LIFR: variants seen among roughly 807,000 people sequenced by gnomAD.
The protein encoded by LIFR is LIF receptor subunit alpha.
Under a neutral mutation model 122.2 loss-of-function variants are expected in LIFR, and 84 were observed. The observed-to-expected ratio is 0.69, with a 90% CI of 0.58 to 0.82. The LOEUF is 0.82. Among genes scored for constraint, LIFR ranks in the 40% least tolerant of loss-of-function variants. The pLI is 0.00. For synonymous variants in LIFR, 422 were observed against 434.7 expected (o/e 0.97, Z 0.36); for missense variants, 1,294 against 1,311.6 (o/e 0.99, Z 0.21).
chr5:38,568,544 G>GA (rs1652004600), intron 1 of LIFR, among the ~76,000 whole-genome samples: 1 of 152,160 alleles, frequency 6.6e-6, no homozygotes, highest in Non-Finnish European at 1.5e-5. Flanking sequence ...TTTGGAGCAT[G>GA]AATCCCTCTG....
At chr5:38,486,371 T>G (rs1744286061) in intron 16 of LIFR, among the ~76,000 whole-genome samples, 1 of 151,854 alleles carries the variant, frequency 6.6e-6, no homozygotes, top group African/African-American at 2.4e-5. Flanking sequence ...TTCCCATGAG[T>G]GAGAGTGAAA....
At chr5:38,550,223 A>C (rs1486854298) in intron 1 of LIFR, 20 of 963,944 alleles carry the variant, frequency 2.1e-5, no homozygotes, top group Non-Finnish European at 2.3e-5. Context: ...AGTTGATTAG[A>C]TTTGGTTTTA....
At chr5:38,557,499 A>G (rs1319047441), upstream of LIFR, 20 of 154,766 alleles carry the variant, frequency 1.3e-4, no homozygotes, top group Non-Finnish European at 2.9e-5. Flanking sequence ...AATTTTGCAA[A>G]GTTCAGAAAT....
At chr5:38,486,955 T>C (rs1011171785) in intron 16 of LIFR, among the ~76,000 whole-genome samples, 2 of 152,328 alleles carry the variant, frequency 1.3e-5, no homozygotes, top group East Asian at 1.9e-4. Flanking sequence ...TTCCCATTGT[T>C]ATAACTGCTT....
intron 10 of LIFR, among the ~76,000 whole-genome samples, 198 bp from the exon 11 acceptor site, chr5:38,502,997 C>A (rs985645905): frequency 2.0e-5 from 3 of 151,920 alleles, no homozygotes; most frequent in Non-Finnish European, 4.4e-5. Context: ...TCTTATATAC[C>A]TGCCAAGCCA....
intron 11 of LIFR, 69 bp downstream of exon 11, chr5:38,502,568 T>C (rs1745240014): frequency 2.9e-6 from 4 of 1,380,072 alleles, no homozygotes; most frequent in East Asian, 4.6e-5. Context: ...CAACATCTTC[T>C]TTTTAAAGAA....
intron 1 of LIFR, among the ~76,000 whole-genome samples, chr5:38,541,322 C>A (rs1028883660): frequency 2.0e-5 from 3 of 152,292 alleles, no homozygotes; most frequent in African/African-American, 7.2e-5. Context: ...ATAACTGATC[C>A]TGGATAAGAT....
chr5:38,494,572 TG>T (rs1744779274), intron 13 of LIFR, among the ~76,000 whole-genome samples: 1 of 152,050 alleles, frequency 6.6e-6, no homozygotes. Context: ...AACCCCAGGC[TG>T]GGGGTGAAGA....
chr5:38,512,141 ATTTG>A, intron 5 of LIFR, among the ~76,000 whole-genome samples, 177 bp from the exon 6 acceptor site: 1 of 152,266 alleles, frequency 6.6e-6, no homozygotes, highest in Non-Finnish European at 1.5e-5. Flanking sequence ...ATCATGATTC[ATTTG>A]TTTACTTCTT....
Position 38,575,533 on chromosome 5 carries a change from A to G in LIFR, c.-20+19728T>C, listed in dbSNP as rs367776997. Among the ~76,000 whole-genome samples, 45 of 152,306 alleles carry G rather than the reference A, an allele frequency of 3.0e-4. 1 individual carries two copies. In the South Asian group the frequency reaches 8.3e-3, roughly 28 times the overall value. ...TTTGCCCAGAGAGAGCTTCCTATAC[A>G]TGAAAAGAGACCACTCTGAATTGTT... On this transcript the variant is annotated intron_variant, in intron 1 of 19. Coordinates refer to the LIFR transcript ENST00000263409.
In LIFR at chr5:38,573,783, A is replaced by G. The variant is rs2112721627; in HGVS notation, c.-20+21478T>C. Reference sequence around the variant, plus strand: ...CTGATTTTGTCACCACTCCCACCCTATTTCCCAGTCCTCTTTTTGCCTTCA... The same window carrying G: ...CTGATTTTGTCACCACTCCCACCCTGTTTCCCAGTCCTCTTTTTGCCTTCA... On this transcript the variant is annotated intron_variant, in intron 1 of 19. Transcript: ENST00000263409. Among the ~76,000 whole-genome samples the G allele has an allele frequency of 2.6e-5, 4 of 152,188 alleles. No individual in the cohort carries two copies. The South Asian group carries it at 8.3e-4, about 32-fold the overall frequency.
intron 1 of LIFR, among the ~76,000 whole-genome samples, chr5:38,532,210 T>C (rs927480319): frequency 3.3e-5 from 5 of 152,150 alleles, no homozygotes; most frequent in African/African-American, 7.2e-5. Flanking sequence ...ACACAGGCCC[T>C]ACAGCCATGC....
chr5:38,594,995 G>A, intron 1 of LIFR: 1 of 186,762 alleles, frequency 5.4e-6, no homozygotes. Flanking sequence ...AACAAGGGCT[G>A]GTATCGTTAC....
chr5:38,581,504 T>A (rs1749582402), intron 1 of LIFR, among the ~76,000 whole-genome samples: 1 of 152,262 alleles, frequency 6.6e-6, no homozygotes, highest in Non-Finnish European at 1.5e-5. Context: ...TACGCTGCTG[T>A]AACCAGCATC....
intron 9 of LIFR, among the ~76,000 whole-genome samples, chr5:38,505,349 T>C (rs1035297407): frequency 6.6e-6 from 1 of 151,952 alleles, no homozygotes; most frequent in African/African-American, 2.4e-5. Context: ...CAGTTCTGTA[T>C]CTTGCATGTG....
chr5:38,588,870 C>T (rs1259963916), intron 1 of LIFR, among the ~76,000 whole-genome samples: 1 of 152,110 alleles, frequency 6.6e-6, no homozygotes, highest in Non-Finnish European at 1.5e-5. Context: ...TTCATTATTT[C>T]CCCAAATCAT....
chr5:38,587,102 C>T (rs12234012), intron 1 of LIFR, among the ~76,000 whole-genome samples: 51,902 of 151,844 alleles, frequency 0.34, 8,945 homozygotes, highest in South Asian at 0.41. Flanking sequence ...GTTTTATGAA[C>T]AGCCACAGGA....
chr5:38,527,142 T>G lies in LIFR; in HGVS notation c.397+13A>C. On this transcript the variant is annotated intron_variant, in intron 4 of 19. Transcript: ENST00000453190. ...GACTTACTTTAAAATTGAGTTTGTTTTCAAATACTTACAAACGTTTTGTTC... is the reference window on the plus strand; with the variant it reads ...GACTTACTTTAAAATTGAGTTTGTTGTCAAATACTTACAAACGTTTTGTTC... 1 of 1,582,130 alleles carries G rather than the reference T, an allele frequency of 6.3e-7. No individual in the cohort carries two copies. Among genetic ancestry groups the G allele is most frequent in the South Asian group, 1.1e-5 (1 of 88,500 alleles).
chr5:38,540,310 C>CAA (rs1561191169), intron 1 of LIFR, among the ~76,000 whole-genome samples: 2 of 152,196 alleles, frequency 1.3e-5, no homozygotes, highest in Non-Finnish European at 2.9e-5. Context: ...GGTAGATGTA[C>CAA]AATGTGATTA....
Sources: allele counts gnomAD v4.1 joint callset (sites outside exome capture counted in the v4.1 genomes callset), GRCh38; gene constraint gnomAD v4.1.1; transcripts MANE v1.5; gene names NCBI Gene and HGNC (gene_info 2026-07-23, HGNC 2026-07-21).